The following PXN variants were observed in gnomAD, a reference collection of about 807,000 sequenced individuals.
PXN encodes the protein paxillin.
A neutral mutation model predicts 103.6 loss-of-function variants in PXN; 61 were observed. That is an observed-to-expected ratio of 0.59 (90% confidence interval 0.48 to 0.73). The LOEUF (loss-of-function observed/expected upper bound fraction) is 0.73. Ranked by LOEUF, PXN falls within the 30% of genes least tolerant of loss-of-function variation. PXN has a pLI of 0.00. For synonymous variants in PXN, 562 were observed against 607.8 expected, an observed-to-expected ratio of 0.92 and a Z score of 1.11; for missense variants, 1,274 against 1,460.3, an observed-to-expected ratio of 0.87 and a Z score of 2.08.
At position 120,215,114 on chromosome 12, in the gene PXN, T is replaced by A. The variant is rs1398173316; in HGVS notation, c.2563A>T (p.Ile855Phe). 1 of 1,577,688 alleles carries A rather than the reference T, an allele frequency of 6.3e-7. No individual in the cohort carries two copies. Among genetic ancestry groups the A allele is most frequent in the East Asian group, 2.2e-5 (1 of 44,540 alleles). ...CTCCCCCTCATCACCTGCCCGGCGA[T>A]GGGCTTCTTGCAGGCCCCGCAGACT... is the stretch of plus-strand genomic sequence containing the variant. ...KGVCGACKKP[I>F]AGQVVTAMGK... The change falls in exon 11 of 15, where the codon ATC becomes TTC. Residue 855 changes from isoleucine (I) to phenylalanine (F), a missense_variant. Ile to Phe is a conservative substitution (Grantham distance 21). Transcript: ENST00000637617. The surrounding 1 kb of genome is among the most constrained non-coding windows in gnomAD (Gnocchi z 4.9).
At chr12:120,243,787 C>A (rs778485215) in intron 1 of PXN, among the ~76,000 whole-genome samples, 6 of 152,188 alleles carry the variant, frequency 3.9e-5, no homozygotes, top group Non-Finnish European at 8.8e-5. Flanking sequence ...AGGCTCCATT[C>A]CTTTGAGTTC....
chr12:120,235,737 A>G (rs1457811211), intron 1 of PXN, among the ~76,000 whole-genome samples: 1 of 152,166 alleles, frequency 6.6e-6, no homozygotes, highest in Non-Finnish European at 1.5e-5. Context: ...GTGGTGGTAC[A>G]GAGAGCTCAA....
intron 1 of PXN, among the ~76,000 whole-genome samples, chr12:120,261,943 C>G (rs988426733): frequency 6.6e-6 from 1 of 152,178 alleles, no homozygotes; most frequent in African/African-American, 2.4e-5. Flanking sequence ...CCCTTACTAG[C>G]ACAAGCCCAG....
Position 120,210,845 on chromosome 12 carries a change from G to A in PXN, c.*1469C>T, listed in dbSNP as rs1880001735. On this transcript the variant is annotated 3_prime_UTR_variant, in exon 15 of 15. Coordinates refer to ENST00000637617, the MANE Select transcript of PXN (RefSeq NM_001385981.1). ...AAGGCCTGGCTCCTCTTTCATCCTT[G>A]GTAAAGAGCTCTGGGGGGTTTCCCC... 6.6e-6 allele frequency: 1 copy of A among 152,648 alleles called. No homozygotes were observed. Among genetic ancestry groups the A allele is most frequent in the Non-Finnish European group, 1.5e-5 (1 of 68,098 alleles). 9.5% of individuals were successfully genotyped at this position (152,648 alleles called of 1,614,324 possible).
At position 120,215,957 on chromosome 12, in the gene PXN, G is replaced by A; in HGVS notation, c.2302-296C>T. On this transcript the variant is annotated intron_variant, in intron 9 of 14. Coordinates refer to ENST00000637617, the MANE Select transcript of PXN (RefSeq NM_001385981.1). This position sits in a 1 kb window ranked among gnomAD's most constrained non-coding sequence, Gnocchi z 4.9. ...GGCGCTGGGCCTGGGGGCTGGAAGG[G>A]AGGAGACAGGTTTCTGGTCTCCCTT... 2.2e-6 allele frequency: 3 copies of A among 1,386,042 alleles called. No individual in the cohort carries two copies. Among genetic ancestry groups the A allele is most frequent in the African/African-American group, 1.5e-5 (1 of 68,004 alleles). 85.9% of individuals were successfully genotyped at this position (1,386,042 alleles called of 1,614,324 possible).
In PXN at chr12:120,214,076, A is replaced by AC; in HGVS notation, c.2830+59dup. The AC allele has an allele frequency of 6.4e-7, 1 of 1,563,582 alleles. No homozygotes were observed. Among genetic ancestry groups the AC allele is most frequent in the Non-Finnish European group, 8.7e-7 (1 of 1,155,140 alleles). On this transcript the variant is annotated intron_variant, in intron 13 of 14. Coordinates refer to ENST00000637617, the MANE Select transcript of PXN (RefSeq NM_001385981.1). This position sits in a 1 kb window ranked among gnomAD's most constrained non-coding sequence, Gnocchi z 5.0. ...GACTCCAACCTCAGCAGCGTCTCCC[A>AC]CCCCCACCTCCCCGGCCCTCCTAAG...
At chr12:120,252,584 G>A (rs1892361873) in intron 1 of PXN, among the ~76,000 whole-genome samples, 1 of 152,088 alleles carries the variant, frequency 6.6e-6, no homozygotes, top group East Asian at 1.9e-4. Context: ...TGCAATACAA[G>A]ATACCCCCTA....
intron 3 of PXN, among the ~76,000 whole-genome samples, chr12:120,223,373 G>T (rs779284424): frequency 5.3e-5 from 8 of 151,964 alleles, no homozygotes; most frequent in Non-Finnish European, 7.4e-5. Flanking sequence ...GGCGGAGCTT[G>T]CAGTGAGCCG....
intron 1 of PXN, among the ~76,000 whole-genome samples, chr12:120,249,283 G>C (rs754298057): frequency 1.3e-5 from 2 of 152,162 alleles, no homozygotes; most frequent in African/African-American, 2.4e-5. Context: ...CCAAGCATAG[G>C]AGGAAATGAC....
Position 120,219,314 on chromosome 12 carries a change from C to T in PXN, c.1609G>A (p.Gly537Ser), listed in dbSNP as rs1884315825. The part of the protein sequence containing the change: ...QGPETPRSPE[G>S]TTEAATQDGK... ...TCCTGGGTGGCAGCTTCCGTGGTGCCCTCTGGGCTCCTTGGGGTTTCAGGT... is the reference window on the plus strand; with the variant it reads ...TCCTGGGTGGCAGCTTCCGTGGTGCTCTCTGGGCTCCTTGGGGTTTCAGGT... The change falls in exon 7 of 15, where the codon GGC becomes AGC. Residue 537 changes from glycine (G) to serine (S), a missense_variant. By Grantham distance (56) the Gly-to-Ser change is moderately conservative. This residue lies in a region of PXN where 1,178 missense variants were observed against 1,309.0 expected (regional missense o/e 0.90). Coordinates refer to ENST00000637617, the MANE Select transcript of PXN (RefSeq NM_001385981.1). This position sits in a 1 kb window ranked among gnomAD's most constrained non-coding sequence, Gnocchi z 6.5. 2 of 1,598,400 alleles carry T rather than the reference C, an allele frequency of 1.3e-6. No individual in the cohort carries two copies. Among genetic ancestry groups the T allele is most frequent in the Non-Finnish European group, 1.7e-6 (2 of 1,179,802 alleles).
At position 120,214,140 on chromosome 12, in the gene PXN, G is replaced by C; in HGVS notation, c.2826C>G (p.Pro942=). 1.3e-6 allele frequency: 2 copies of C among 1,552,784 alleles called. No individual in the cohort carries two copies. The highest frequency in any genetic ancestry group is 8.7e-7 in the Non-Finnish European group (1 of 1,147,862). The change falls in exon 13 of 15, where the codon CCC becomes CCG. Residue 942 remains proline (P), a synonymous_variant. Transcript: ENST00000637617. This position sits in a 1 kb window ranked among gnomAD's most constrained non-coding sequence, Gnocchi z 5.0. Reference sequence around the variant, plus strand: ...GTCCGCCGGTCCAGCCCGTACCTTCGGGACCAAAGAAGGCTCCACACTGTG... The same window carrying C: ...GTCCGCCGGTCCAGCCCGTACCTTCCGGACCAAAGAAGGCTCCACACTGTG... The part of the protein sequence containing the change: ...FCAQCGAFFG[P]EGFHEKDGKA...
Position 120,229,697 on chromosome 12 carries a change from T to C in PXN, c.14-5320A>G, listed in dbSNP as rs1468145314. On this transcript the variant is annotated intron_variant, in intron 1 of 14. Coordinates refer to ENST00000637617, the MANE Select transcript of PXN (RefSeq NM_001385981.1). This position sits in a 1 kb window ranked among gnomAD's most constrained non-coding sequence, Gnocchi z 4.0. ...AGGAAATGGGAGTTGCTAAATAGATTACAAGCTTCTTCCCAGGGAGGTGTT... is the reference window on the plus strand; with the variant it reads ...AGGAAATGGGAGTTGCTAAATAGATCACAAGCTTCTTCCCAGGGAGGTGTT... Among the ~76,000 whole-genome samples the C allele has an allele frequency of 6.6e-6, 1 of 152,162 alleles. No homozygotes were observed. Among genetic ancestry groups the C allele is most frequent in the Non-Finnish European group, 1.5e-5 (1 of 68,028 alleles).
At position 120,220,260 on chromosome 12, in the gene PXN, T is replaced by TG. The variant is rs964522649; in HGVS notation, c.832-170dup. On this transcript the variant is annotated intron_variant, in intron 6 of 14. Transcript: ENST00000637617. The surrounding 1 kb of genome is among the most constrained non-coding windows in gnomAD (Gnocchi z 6.1). Reference sequence around the variant, plus strand: ...GACCCAGACCCCAAAAAAGCTTCCCTGGGCTTTGCGTGCTTAGCCCTCACC... The same window carrying TG: ...GACCCAGACCCCAAAAAAGCTTCCCTGGGGCTTTGCGTGCTTAGCCCTCACC... Among the ~76,000 whole-genome samples the TG allele has an allele frequency of 1.3e-5, 2 of 151,960 alleles. No homozygotes were observed. The highest frequency in any genetic ancestry group is 4.8e-5 in the African/African-American group (2 of 41,356).
chr12:120,230,723 C>A (rs994803243), intron 1 of PXN, among the ~76,000 whole-genome samples: 7 of 151,668 alleles, frequency 4.6e-5, no homozygotes, highest in Middle Eastern at 3.2e-3. Flanking sequence ...GGTGCTTTCA[C>A]TCGGTGAGTA....
intron 1 of PXN, among the ~76,000 whole-genome samples, chr12:120,239,358 T>C (rs1454275737): frequency 6.6e-6 from 1 of 151,452 alleles, no homozygotes; most frequent in Non-Finnish European, 1.5e-5. Flanking sequence ...CTGAGGCAGG[T>C]GGATCACAGG....
At chr12:120,247,887 CT>C (rs1437922312) in intron 1 of PXN, 1 of 152,162 alleles carries the variant, frequency 6.6e-6, no homozygotes, top group Non-Finnish European at 1.5e-5. Flanking sequence ...GCAAGGCAGA[CT>C]TCCAGACAGG....
At position 120,213,943 on chromosome 12, in the gene PXN, C is replaced by G; in HGVS notation, c.2878G>C (p.Asp960His). Residue 960 changes from aspartate to histidine, a missense_variant, in exon 14 of 15, where the codon GAC becomes CAC. Asp to His is a moderately conservative substitution (Grantham distance 81). Around this residue, in one of 2 missense-constraint regions of PXN, gnomAD observed 1,178 missense variants for 1,309.0 expected, o/e 0.90. Coordinates refer to ENST00000637617, the MANE Select transcript of PXN (RefSeq NM_001385981.1). The surrounding 1 kb of genome is among the most constrained non-coding windows in gnomAD (Gnocchi z 4.2). Reference protein sequence around the residue: ...GKAYCRKDYFDMFAPKCGGCA... With the variant: ...GKAYCRKDYFHMFAPKCGGCA... ...CCGCCACACTTGGGTGCGAACATGT[C>G]GAAGTAGTCCTTGCGACAGTAGGCC... 1 of 1,612,490 alleles carries G rather than the reference C, an allele frequency of 6.2e-7. No homozygotes were observed. Among genetic ancestry groups the G allele is most frequent in the Non-Finnish European group, 8.5e-7 (1 of 1,179,414 alleles).
At chr12:120,241,477 C>A (rs1036249374) in intron 1 of PXN, among the ~76,000 whole-genome samples, 4 of 152,260 alleles carry the variant, frequency 2.6e-5, no homozygotes, top group African/African-American at 4.8e-5. Flanking sequence ...GGGACAGCCT[C>A]ACCTTTACTA....
At chr12:120,232,605 A>G (rs371390684) in intron 1 of PXN, among the ~76,000 whole-genome samples, 2 of 152,266 alleles carry the variant, frequency 1.3e-5, no homozygotes, top group South Asian at 4.2e-4. Flanking sequence ...AGCTGTTCCA[A>G]ATCGACCCCA....
Sources: allele counts gnomAD v4.1 joint callset (sites outside exome capture counted in the v4.1 genomes callset), GRCh38; gene constraint gnomAD v4.1.1; regional missense constraint gnomAD v4.1.1; non-coding constraint Gnocchi (gnomAD v3.1); transcripts MANE v1.5; gene names NCBI Gene and HGNC (gene_info 2026-07-23, HGNC 2026-07-21).